CDH18: variants seen among roughly 807,000 people sequenced by gnomAD.
CDH18 encodes the protein cadherin-18.
A neutral mutation model predicts 67.9 loss-of-function variants in CDH18; 31 were observed. That is an observed-to-expected ratio of 0.46 (90% CI 0.34 to 0.62). The LOEUF is 0.62. Ranked by LOEUF, CDH18 falls within the 20% of genes least tolerant of loss-of-function variation. CDH18 has a pLI of 0.01. For synonymous variants in CDH18, 362 were observed against 347.2 expected (o/e 1.04, Z -0.48); for missense variants, 890 against 975.5 (o/e 0.91, Z 1.17).
At chr5:19,665,706 A>G (rs978784428) in intron 5 of CDH18, among the ~76,000 whole-genome samples, 4 of 152,102 alleles carry the variant, frequency 2.6e-5, no homozygotes, top group African/African-American at 9.7e-5. Flanking sequence ...AATGAAAATC[A>G]TTTCTCATGG....
At chr5:20,220,137 T>C (rs974077168) in intron 2 of CDH18, among the ~76,000 whole-genome samples, 3 of 151,944 alleles carry the variant, frequency 2.0e-5, no homozygotes, top group African/African-American at 7.2e-5. Context: ...AAAATCTATA[T>C]GGTATAATAA....
chr5:20,574,608 T>G (rs1280211057), intron 1 of CDH18, among the ~76,000 whole-genome samples: 1 of 152,052 alleles, frequency 6.6e-6, no homozygotes, highest in African/African-American at 2.4e-5. Context: ...AAAACTAAGG[T>G]CAATCAAATA....
chr5:20,218,570 T>C (rs917548499), intron 2 of CDH18, among the ~76,000 whole-genome samples: 3 of 152,008 alleles, frequency 2.0e-5, no homozygotes, highest in Non-Finnish European at 4.4e-5. Context: ...TTGATTTGTA[T>C]TCCCATAATT....
intron 1 of CDH18, among the ~76,000 whole-genome samples, chr5:20,382,608 C>G (rs1396548044): frequency 7.2e-5 from 11 of 152,080 alleles, no homozygotes; most frequent in Admixed American, 7.2e-4. Flanking sequence ...AAATAAACAT[C>G]TCTCACATAA....
chr5:19,517,223 A>T (rs76894928), intron 10 of CDH18, among the ~76,000 whole-genome samples: 5,853 of 152,188 alleles, frequency 0.038, 164 homozygotes, highest in East Asian at 0.092. Flanking sequence ...AATAATTTTT[A>T]AAAAATATGT....
chr5:20,564,643 G>C (rs1758402645), intron 1 of CDH18, among the ~76,000 whole-genome samples: 1 of 152,040 alleles, frequency 6.6e-6, no homozygotes, highest in Admixed American at 6.6e-5. Flanking sequence ...CTTCTTTATT[G>C]TCTGTTCCCT....
chr5:19,574,100 G>T (rs1233274785), intron 7 of CDH18, among the ~76,000 whole-genome samples: 1 of 152,042 alleles, frequency 6.6e-6, no homozygotes, highest in Non-Finnish European at 1.5e-5. Context: ...TTTGTGGAGG[G>T]ATTTGGGCCA....
intron 5 of CDH18, among the ~76,000 whole-genome samples, chr5:19,695,555 A>G (rs1293474728): frequency 6.6e-6 from 1 of 152,212 alleles, no homozygotes; most frequent in Non-Finnish European, 1.5e-5. Flanking sequence ...AGTAATAACA[A>G]ATAGTCATAA....
chr5:20,322,586 A>G (rs1173937510), intron 1 of CDH18, among the ~76,000 whole-genome samples: 1 of 152,174 alleles, frequency 6.6e-6, no homozygotes, highest in Non-Finnish European at 1.5e-5. Context: ...GTTTATATAA[A>G]GTACTAAAAA....
At chr5:19,553,173 T>C (rs939837026) in intron 8 of CDH18, among the ~76,000 whole-genome samples, 4 of 152,172 alleles carry the variant, frequency 2.6e-5, no homozygotes, top group Admixed American at 2.0e-4. Context: ...TGATTAGGTA[T>C]ACATTCGTGA....
chr5:19,505,457 T>C (rs181608493), intron 10 of CDH18, among the ~76,000 whole-genome samples: 4,140 of 152,256 alleles, frequency 0.027, 188 homozygotes, highest in African/African-American at 0.095. Context: ...TGTGGGTTTG[T>C]CATAGATAGC....
intron 3 of CDH18, among the ~76,000 whole-genome samples, chr5:19,806,953 T>G (rs1040878573): frequency 6.6e-6 from 1 of 152,242 alleles, no homozygotes; most frequent in Non-Finnish European, 1.5e-5. Flanking sequence ...TACTACACAC[T>G]AAGACTATAT....
At chr5:19,731,010 T>A (rs998677962) in intron 4 of CDH18, among the ~76,000 whole-genome samples, 3 of 152,120 alleles carry the variant, frequency 2.0e-5, no homozygotes, top group African/African-American at 7.2e-5. Flanking sequence ...TTCTCTAGAG[T>A]CACTTGCCTT....
At chr5:20,437,901 T>C (rs1403067171) in intron 1 of CDH18, among the ~76,000 whole-genome samples, 1 of 151,396 alleles carries the variant, frequency 6.6e-6, no homozygotes, top group African/African-American at 2.4e-5. Flanking sequence ...TCACATTCTA[T>C]TACCATTTCA....
intron 8 of CDH18, among the ~76,000 whole-genome samples, chr5:19,553,960 A>G (rs1737922818): frequency 6.6e-6 from 1 of 152,148 alleles, no homozygotes; most frequent in South Asian, 2.1e-4. Flanking sequence ...CTTAACAAAA[A>G]GTCACGCACC....
chr5:19,796,511 T>C (rs1481688081), intron 3 of CDH18, among the ~76,000 whole-genome samples: 1 of 152,114 alleles, frequency 6.6e-6, no homozygotes, highest in Non-Finnish European at 1.5e-5. Context: ...AAAATAAAAC[T>C]ATTTTCAGAT....
intron 1 of CDH18, among the ~76,000 whole-genome samples, chr5:20,383,273 T>TA (rs1371506053): frequency 1.3e-5 from 2 of 152,134 alleles, no homozygotes; most frequent in Non-Finnish European, 2.9e-5. Context: ...TTGGAGGACA[T>TA]AATGTTCAAA....
chr5:19,584,793 C>CAAAAAAAAAAAAAA (rs61297842), intron 7 of CDH18, among the ~76,000 whole-genome samples: 41 of 74,940 alleles, frequency 5.5e-4, no homozygotes, highest in East Asian at 2.6e-3. Context: ...ACTAAAAATA[C>CAAAAAAAAAAAAAA]AAAAAAAAAA....
intron 2 of CDH18, among the ~76,000 whole-genome samples, chr5:20,218,855 C>T (rs1396888505): frequency 6.7e-6 from 1 of 150,052 alleles, no homozygotes; most frequent in African/African-American, 2.4e-5. Flanking sequence ...TTATCAGCAG[C>T]ATGAAAATGG....
Sources: gnomAD v4.1 joint callset for allele counts (sites outside exome capture counted in the v4.1 genomes callset) on GRCh38, gnomAD v4.1.1 for gene constraint, MANE v1.5 for transcripts, NCBI Gene and HGNC (gene_info 2026-07-23, HGNC 2026-07-21) for gene names.